The following ZNF608 variants were observed in gnomAD, a reference collection of about 807,000 sequenced individuals.
ZNF608 encodes the protein zinc finger protein 608.
A neutral mutation model predicts 109.0 loss-of-function variants in ZNF608; 12 were observed. The ratio of observed to expected loss-of-function variants is 0.11; its 90% CI spans 0.07 to 0.18. The LOEUF (loss-of-function observed/expected upper bound fraction) is 0.18. ZNF608 is among the 10% of genes least tolerant of loss of function. The probability of loss-of-function intolerance (pLI) is 1.00; values close to 1 mark genes in which losing one functional copy is unlikely to be tolerated. For synonymous variants in ZNF608, 732 were observed against 717.4 expected (o/e 1.02, Z -0.33); for missense variants, 1,707 against 1,879.3 (o/e 0.91, Z 1.70).
chr5:124,682,318 C>T (rs1212947625), intron 3 of ZNF608, among the ~76,000 whole-genome samples: 4 of 152,230 alleles, frequency 2.6e-5, no homozygotes, highest in Non-Finnish European at 5.9e-5. Context: ...GGTGATCCTT[C>T]CGCCTTGGCC....
At position 124,643,410 on chromosome 5, in the gene ZNF608, G is replaced by T. The variant is rs546182453; in HGVS notation, c.4296+101C>A. 8.8e-6 allele frequency: 10 copies of T among 1,132,018 alleles called. No homozygotes were observed. In the Admixed American group the frequency reaches 1.6e-4, roughly 18 times the overall value. 70.1% of individuals were successfully genotyped at this position (1,132,018 alleles called of 1,614,324 possible). ...GATAAAACAGCATCCTGAAATCACA[G>T]CTGGGTTCCGAAACCATTTATATTT... is the stretch of plus-strand genomic sequence containing the variant. On this transcript the variant is annotated intron_variant, in intron 7 of 9. Transcript: ENST00000513986.
chr5:124,662,795 A>G (rs1327566755), intron 3 of ZNF608, among the ~76,000 whole-genome samples: 1 of 151,542 alleles, frequency 6.6e-6, no homozygotes, highest in African/African-American at 2.4e-5. Context: ...AATTCTCTCA[A>G]GAGTTACAGA....
At chr5:124,709,270 A>G (rs1415988203) in intron 2 of ZNF608, among the ~76,000 whole-genome samples, 2 of 151,146 alleles carry the variant, frequency 1.3e-5, no homozygotes, top group Admixed American at 1.3e-4. Context: ...TCTGACTGCC[A>G]GAAGGATCCC....
intron 3 of ZNF608, among the ~76,000 whole-genome samples, chr5:124,663,355 C>T (rs890536616): frequency 6.6e-5 from 10 of 152,192 alleles, no homozygotes; most frequent in African/African-American, 1.7e-4. Flanking sequence ...CACACCAGAG[C>T]GTCCAGGTCT....
chr5:124,648,042 T>C lies in ZNF608; in HGVS notation c.2342A>G (p.Lys781Arg). ...TTGAATGGGTTTTAACGGAGGACTC[T>C]TTGGTGTAGCCTGAACAACAGTTGT... ...LTTTVVQATP[K>R]SPPLKPIQPK... The change falls in exon 5 of 10, where the codon AAG (lysine) becomes AGG (arginine). Residue 781 changes from lysine to arginine, a missense_variant. Physicochemically the swap from Lys to Arg is conservative, Grantham distance 26. This residue lies in a region of ZNF608 where 1,073 missense variants were observed against 1,133.5 expected (regional missense o/e 0.95). Coordinates refer to ENST00000513986, the MANE Select transcript of ZNF608 (RefSeq NM_020747.3). The C allele has an allele frequency of 1.2e-6, 2 of 1,614,196 alleles. No homozygotes were observed. The highest frequency in any genetic ancestry group is 1.7e-6 in the Non-Finnish European group (2 of 1,180,032).
At chr5:124,674,771 T>A (rs1411865054) in intron 3 of ZNF608, among the ~76,000 whole-genome samples, 2 of 152,096 alleles carry the variant, frequency 1.3e-5, no homozygotes, top group Non-Finnish European at 2.9e-5. Flanking sequence ...CCACCACACC[T>A]GGCTAATTTT....
At chr5:124,716,909 C>T (rs1753726194) in intron 2 of ZNF608, among the ~76,000 whole-genome samples, 1 of 151,198 alleles carries the variant, frequency 6.6e-6, no homozygotes, top group African/African-American at 2.4e-5. Context: ...CTGGAGAAAC[C>T]CCGTCTCTAC....
intron 2 of ZNF608, among the ~76,000 whole-genome samples, chr5:124,739,493 G>A (rs573517305): frequency 2.5e-4 from 38 of 152,288 alleles, no homozygotes; most frequent in Non-Finnish European, 4.4e-4. Context: ...CCTCCAGGGG[G>A]AAAATTGACA....
At chr5:124,643,056 T>C (rs1750321278) in intron 7 of ZNF608, among the ~76,000 whole-genome samples, 2 of 152,206 alleles carry the variant, frequency 1.3e-5, no homozygotes, top group African/African-American at 4.8e-5. Context: ...ATGTCTGATT[T>C]TTAAAAGGTA....
rs191886687 is a variant in ZNF608, at chr5:124,676,887, A to C, written c.1162+24127T>G. Among the ~76,000 whole-genome samples the C allele has an allele frequency of 2.0e-5, 3 of 152,354 alleles. No individual in the cohort carries two copies. The East Asian group carries it at 5.8e-4, about 29-fold the overall frequency. On this transcript the variant is annotated intron_variant, in intron 3 of 9. Transcript: ENST00000513986. ...TAGGAATTTAGAGGTATATGATAAA[A>C]CATGGGAATAAAAACCACAAAATTC...
intron 3 of ZNF608, among the ~76,000 whole-genome samples, chr5:124,700,442 G>A (rs1006604135): frequency 3.3e-5 from 5 of 152,170 alleles, no homozygotes; most frequent in Admixed American, 6.5e-5. Flanking sequence ...ATGGCTTGCC[G>A]AGTTAAGGAA....
At chr5:124,642,886 G>A (rs1425116203) in intron 7 of ZNF608, among the ~76,000 whole-genome samples, 6 of 151,724 alleles carry the variant, frequency 4.0e-5, no homozygotes, top group Non-Finnish European at 5.9e-5. Context: ...TAGTAGAGAC[G>A]GAGTTTCACC....
At chr5:124,743,918 A>G (rs2149908053) in intron 2 of ZNF608, among the ~76,000 whole-genome samples, 166 bp downstream of exon 2, 1 of 152,310 alleles carries the variant, frequency 6.6e-6, no homozygotes, top group Middle Eastern at 3.4e-3. Context: ...ACTGCACCCA[A>G]GTAGGCTCCC....
In ZNF608 at chr5:124,746,194, C is replaced by G; in HGVS notation, c.-184+1G>C. The G allele has an allele frequency of 1.0e-6, 1 of 985,354 alleles. No homozygotes were observed. The highest frequency in any genetic ancestry group is 1.2e-6 in the Non-Finnish European group (1 of 829,902). The allele number at this position is 985,354 out of a possible 1,614,324, so 61.0% of individuals were successfully genotyped here. A position where few individuals can be genotyped will look rare whatever the true frequency, so the allele number is the denominator to read the frequency against. ...CATACACACACACAGACATTGCTTA[C>G]CTTTTAATCCTTTATCATTTTTTAA... On this transcript the variant is annotated splice_donor_variant, in intron 1 of 9. Transcript: ENST00000513986. LOFTEE classifies it low-confidence loss of function (5UTR_SPLICE).
chr5:124,645,317 AC>A (rs1312547690), intron 5 of ZNF608, among the ~76,000 whole-genome samples: 1 of 152,024 alleles, frequency 6.6e-6, no homozygotes, highest in African/African-American at 2.4e-5. Context: ...CTATCTATAA[AC>A]CCCCAAAATT....
rs1263817634 is a variant in ZNF608, at chr5:124,744,018, C to A, written c.906+66G>T. The A allele has an allele frequency of 5.9e-6, 9 of 1,521,706 alleles. No homozygotes were observed. In the African/African-American group the frequency reaches 1.1e-4, roughly 19 times the overall value. The allele number at this position is 1,521,706 out of a possible 1,614,324, so 94.3% of individuals were successfully genotyped here. On this transcript the variant is annotated intron_variant, in intron 2 of 9. Transcript: ENST00000513986. This position sits in a 1 kb window ranked among gnomAD's most constrained non-coding sequence, Gnocchi z 4.5. Reference sequence around the variant, plus strand: ...AAGTGTAAGGCACACAGAGGCACACCCCCACACACCCACACAAATGCACAC... The same window carrying A: ...AAGTGTAAGGCACACAGAGGCACACACCCACACACCCACACAAATGCACAC...
chr5:124,688,512 G>A (rs922312956), intron 3 of ZNF608, among the ~76,000 whole-genome samples: 1 of 152,150 alleles, frequency 6.6e-6, no homozygotes, highest in Non-Finnish European at 1.5e-5. Flanking sequence ...AACTGAGATG[G>A]GCAGTCTCAT....
intron 2 of ZNF608, among the ~76,000 whole-genome samples, chr5:124,724,054 C>T (rs1754041690): frequency 6.6e-6 from 1 of 152,052 alleles, no homozygotes; most frequent in African/African-American, 2.4e-5. Flanking sequence ...AAACTACAGG[C>T]AATTCATGTT....
intron 2 of ZNF608, among the ~76,000 whole-genome samples, chr5:124,706,035 C>A (rs916304396): frequency 2.0e-5 from 3 of 152,238 alleles, no homozygotes; most frequent in Non-Finnish European, 4.4e-5. Context: ...GACTGTGACA[C>A]TGGTCAGATA....
Sources: allele counts gnomAD v4.1 joint callset (sites outside exome capture counted in the v4.1 genomes callset), GRCh38; gene constraint gnomAD v4.1.1; regional missense constraint gnomAD v4.1.1; non-coding constraint Gnocchi (gnomAD v3.1); transcripts MANE v1.5; gene names NCBI Gene and HGNC (gene_info 2026-07-23, HGNC 2026-07-21).